KCNAB1: variants seen among roughly 807,000 people sequenced by gnomAD.
KCNAB1 encodes the protein potassium voltage-gated channel subfamily A regulatory beta subunit 1.
In KCNAB1, 35 loss-of-function variants were observed where a neutral mutation model predicts 64.6. That is an observed-to-expected ratio of 0.54 (90% CI 0.41 to 0.72). The LOEUF (loss-of-function observed/expected upper bound fraction) is 0.72, where lower values mean the gene tolerates loss of function less well. Among genes scored for constraint, KCNAB1 ranks in the 30% least tolerant of loss-of-function variants. The pLI is 0.00. For missense variants in KCNAB1, 401 were observed against 512.9 expected, an observed-to-expected ratio of 0.78 and a Z score of 2.11; for synonymous variants, 177 against 183.8, an observed-to-expected ratio of 0.96 and a Z score of 0.30.
chr3:156,537,129 C>A lies in KCNAB1; in HGVS notation c.*382C>A. 2.5e-6 allele frequency: 1 copy of A among 399,620 alleles called. No homozygotes were observed. The highest frequency in any genetic ancestry group is 4.4e-6 in the Non-Finnish European group (1 of 227,202). The allele number at this position is 399,620 out of a possible 1,614,324, so 24.8% of individuals were successfully genotyped here. A position where few individuals can be genotyped will look rare whatever the true frequency, so the allele number is the denominator to read the frequency against. On this transcript the variant is annotated 3_prime_UTR_variant, in exon 14 of 14. Coordinates refer to ENST00000490337, the MANE Select transcript of KCNAB1 (RefSeq NM_172160.3). ...AAATCCACAGATGCAATGTGAGTTG[C>A]GTAAGAAACAGAGTAGATAGACTAA...
chr3:156,291,353 G>A (rs1340890588), intron 1 of KCNAB1: 15 of 994,238 alleles, frequency 1.5e-5, no homozygotes, highest in Non-Finnish European at 1.8e-5. Context: ...CCACCAGTCC[G>A]AGGGGACCCG....
intron 1 of KCNAB1, among the ~76,000 whole-genome samples, chr3:156,169,116 G>T (rs910672965): frequency 2.0e-4 from 30 of 152,166 alleles, no homozygotes; most frequent in Non-Finnish European, 3.7e-4. Flanking sequence ...TTATCCACTT[G>T]TATCTAATAG....
rs1317234851 is a variant in KCNAB1 at position 156,122,161 on chromosome 3, T to G, written c.275+1275T>G. On this transcript the variant is annotated intron_variant, in intron 1 of 13. Transcript: ENST00000490337. ...TATGCTGTTGGGCCCACATTTGGGG[T>G]ACATGGGAGGAAGACCAAAGGAAAA... Among the ~76,000 whole-genome samples, 3 of 140,486 alleles carry G rather than the reference T, an allele frequency of 2.1e-5. No individual in the cohort carries two copies. In the East Asian group the frequency reaches 6.3e-4, roughly 30 times the overall value. 92.2% of individuals were successfully genotyped at this position (140,486 alleles called of 152,430 possible).
Position 156,120,724 on chromosome 3 carries a change from C to A in KCNAB1, c.113C>A (p.Ala38Asp), listed in dbSNP as rs1014320890. The A allele has an allele frequency of 4.3e-6, 7 of 1,614,098 alleles. No homozygotes were observed. The South Asian group carries it at 7.7e-5, about 18-fold the overall frequency. ...GGGAAAGACAAATCTCCCAAGAAAG[C>A]CTCAGAAAACGCTAAAGACAGCAGC... The part of the protein sequence containing the change: ...VAGKDKSPKK[A>D]SENAKDSSLS... Residue 38 changes from alanine (A) to aspartate (D), a missense_variant, in exon 1 of 14, where the codon GCC (alanine) becomes GAC (aspartate). Ala to Asp is a moderately radical substitution (Grantham distance 126). Transcript: ENST00000490337.
chr3:156,535,772 C>A (rs1248953974), intron 13 of KCNAB1, among the ~76,000 whole-genome samples: 2 of 148,556 alleles, frequency 1.3e-5, no homozygotes, highest in African/African-American at 5.0e-5. Context: ...GCCCTATTGC[C>A]TGGCTTGGAT....
At chr3:156,293,324 A>C (rs1409477665) in intron 1 of KCNAB1, among the ~76,000 whole-genome samples, 1 of 152,228 alleles carries the variant, frequency 6.6e-6, no homozygotes, top group Non-Finnish European at 1.5e-5. Context: ...CAGTTTGCAG[A>C]TATGATTTTG....
intron 7 of KCNAB1, 128 bp downstream of exon 7, chr3:156,465,814 A>G: frequency 1.3e-6 from 1 of 760,422 alleles, no homozygotes; most frequent in Non-Finnish European, 2.3e-6. Context: ...CAATCAACCA[A>G]GTTTCTTCTT....
chr3:156,372,602 C>T (rs548444136), intron 1 of KCNAB1, among the ~76,000 whole-genome samples: 52 of 152,154 alleles, frequency 3.4e-4, no homozygotes, highest in Non-Finnish European at 6.9e-4. Context: ...AGTGTGGAGT[C>T]TGAACAACTC....
intron 1 of KCNAB1, among the ~76,000 whole-genome samples, chr3:156,169,162 T>C (rs532466116): frequency 4.1e-4 from 62 of 152,338 alleles, no homozygotes; most frequent in Non-Finnish European, 8.2e-4. Context: ...AAAAGCAACA[T>C]TTTTAAAGGA....
chr3:156,124,330 C>T (rs1325934680), intron 1 of KCNAB1, among the ~76,000 whole-genome samples: 1 of 151,872 alleles, frequency 6.6e-6, no homozygotes, highest in African/African-American at 2.4e-5. Context: ...GATTCGCCTG[C>T]CTCAGACTCC....
At chr3:156,434,422 G>A (rs78572286) in intron 2 of KCNAB1, among the ~76,000 whole-genome samples, 5,422 of 152,254 alleles carry the variant, frequency 0.036, 323 homozygotes, top group African/African-American at 0.12. Flanking sequence ...CAGCCCATAC[G>A]GAAGGTATAT....
Position 156,452,961 on chromosome 3 carries a change from T to C in KCNAB1, c.357+25T>C, listed in dbSNP as rs1712116026. On this transcript the variant is annotated intron_variant, in intron 3 of 13. Coordinates refer to ENST00000490337, the MANE Select transcript of KCNAB1 (RefSeq NM_172160.3). The surrounding 1 kb of genome is among the most constrained non-coding windows in gnomAD (Gnocchi z 4.6). Reference sequence around the variant, plus strand: ...GGTAAGTTACCTTTGGCCTCTATTATGCTAATGAAAGAAAATGCAGAGAGA... The same window carrying C: ...GGTAAGTTACCTTTGGCCTCTATTACGCTAATGAAAGAAAATGCAGAGAGA... 1.9e-6 allele frequency: 3 copies of C among 1,566,326 alleles called. No homozygotes were observed. The highest frequency in any genetic ancestry group is 2.6e-6 in the Non-Finnish European group (3 of 1,142,862).
At chr3:156,333,337 C>CACACAT (rs758199642) in intron 1 of KCNAB1, among the ~76,000 whole-genome samples, 2 of 140,668 alleles carry the variant, frequency 1.4e-5, no homozygotes, top group Non-Finnish European at 3.2e-5. Context: ...CACACACACA[C>CACACAT]ACACATACAC....
chr3:156,236,612 A>G (rs993944697), intron 1 of KCNAB1, among the ~76,000 whole-genome samples: 1 of 152,178 alleles, frequency 6.6e-6, no homozygotes, highest in Non-Finnish European at 1.5e-5. Flanking sequence ...GATTACATCA[A>G]CTTGATACTT....
intron 1 of KCNAB1, among the ~76,000 whole-genome samples, chr3:156,143,933 ATTTAT>A (rs1560106058): frequency 1.3e-4 from 19 of 142,140 alleles, no homozygotes; most frequent in Middle Eastern, 3.5e-3. Context: ...TTATTTATTT[ATTTAT>A]TTTTTAAATC....
chr3:156,174,247 A>T (rs1403879542), intron 1 of KCNAB1, among the ~76,000 whole-genome samples: 2 of 152,358 alleles, frequency 1.3e-5, no homozygotes, highest in African/African-American at 4.8e-5. Context: ...TTTAGGAATT[A>T]AATACTTGGT....
At chr3:156,127,884 GGTGTGTGTGTGTGTGTGTGTGT>G (rs10576749) in intron 1 of KCNAB1, among the ~76,000 whole-genome samples, 1 of 147,556 alleles carries the variant, frequency 6.8e-6, no homozygotes, top group Non-Finnish European at 1.5e-5. Context: ...CTTCATTTGG[GGTGTGTGTGTGTGTGTGTGTGT>G]GTGTGTGTGT....
At chr3:156,125,113 G>A (rs1034480069) in intron 1 of KCNAB1, among the ~76,000 whole-genome samples, 2 of 151,822 alleles carry the variant, frequency 1.3e-5, no homozygotes, top group Admixed American at 1.3e-4. Flanking sequence ...ACTCCAGCCT[G>A]GGTGACAGAG....
intron 2 of KCNAB1, among the ~76,000 whole-genome samples, chr3:156,429,008 C>T (rs930539717): frequency 6.6e-6 from 1 of 152,218 alleles, no homozygotes; most frequent in African/African-American, 2.4e-5. Context: ...TTCTTAACAC[C>T]TTGGAGGACT....
Sources: allele counts gnomAD v4.1 joint callset (sites outside exome capture counted in the v4.1 genomes callset), GRCh38; gene constraint gnomAD v4.1.1; non-coding constraint Gnocchi (gnomAD v3.1); transcripts MANE v1.5; gene names NCBI Gene and HGNC (gene_info 2026-07-23, HGNC 2026-07-21).